The following MIPOL1 variants were observed in gnomAD, a reference collection of about 807,000 sequenced individuals.
MIPOL1 encodes the protein mirror-image polydactyly gene 1 protein.
Under a neutral mutation model 60.9 loss-of-function variants are expected in MIPOL1, and 57 were observed. The ratio of observed to expected loss-of-function variants is 0.94; its 90% CI spans 0.76 to 1.17. MIPOL1 has a LOEUF of 1.17. MIPOL1 is among the 50% of genes most tolerant of loss of function. The pLI is 0.00. For missense variants in MIPOL1, 551 were observed against 511.6 expected, an observed-to-expected ratio of 1.08 and a Z score of -0.74; for synonymous variants, 179 against 168.8, an observed-to-expected ratio of 1.06 and a Z score of -0.47.
chr14:37,497,476 A>G (rs1292458460), intron 11 of MIPOL1, among the ~76,000 whole-genome samples: 1 of 152,226 alleles, frequency 6.6e-6, no homozygotes, highest in Non-Finnish European at 1.5e-5. Flanking sequence ...ACAGTTTACA[A>G]AAAGCATTGC....
Position 37,268,739 on chromosome 14 carries a change from G to T in MIPOL1, c.333G>T (p.Lys111Asn), listed in dbSNP as rs1210528939. Residue 111 changes from lysine (K) to asparagine (N), a missense_variant, in exon 5 of 13, where the codon AAG becomes AAT. Transcript: ENST00000684589. ...TTACTTCAGACTCAGATAAAGAGAA[G>T]ACAATAGCATTTCTTCTAAAAGAAT... ...CQVTSDSDKE[K>N]TIAFLLKELD... is the part of the protein sequence containing the mutation. The T allele has an allele frequency of 1.3e-6, 2 of 1,596,430 alleles. No homozygotes were observed. The highest frequency in any genetic ancestry group is 2.7e-5 in the African/African-American group (2 of 74,172).
At chr14:37,488,460 T>C (rs538618176) in intron 11 of MIPOL1, among the ~76,000 whole-genome samples, 18 of 152,270 alleles carry the variant, frequency 1.2e-4, no homozygotes, top group Admixed American at 1.0e-3. Context: ...AGTCTAAGTC[T>C]CTTTGTGGGT....
intron 11 of MIPOL1, among the ~76,000 whole-genome samples, chr14:37,427,762 G>C (rs2093989964): frequency 2.0e-5 from 3 of 152,116 alleles, no homozygotes; most frequent in Admixed American, 2.0e-4. Context: ...TGATTTAAAT[G>C]AAAGTAAACA....
chr14:37,251,884 G>A (rs531181765), intron 3 of MIPOL1, among the ~76,000 whole-genome samples: 14 of 151,834 alleles, frequency 9.2e-5, no homozygotes, highest in African/African-American at 2.2e-4. Context: ...CAATTTTGTA[G>A]GTAAAAATGA....
At chr14:37,235,819 A>G (rs72671718) in intron 1 of MIPOL1, among the ~76,000 whole-genome samples, 46,017 of 151,780 alleles carry the variant, frequency 0.3, 7,052 homozygotes, top group Admixed American at 0.34. Flanking sequence ...TAGGGACCTC[A>G]TATAAGTGGA....
intron 9 of MIPOL1, 60 bp from the exon 10 acceptor site, chr14:37,369,456 TG>T: frequency 8.4e-7 from 1 of 1,183,596 alleles, no homozygotes; most frequent in Non-Finnish European, 1.2e-6. Flanking sequence ...TTAATTCATG[TG>T]GCTTGGTGAA....
chr14:37,327,518 TA>T (rs1370641546), intron 9 of MIPOL1, among the ~76,000 whole-genome samples: 1 of 152,128 alleles, frequency 6.6e-6, no homozygotes, highest in Non-Finnish European at 1.5e-5. Flanking sequence ...GAATTGGGCT[TA>T]AGTGACCCTC....
At chr14:37,302,907 C>T (rs1398094350) in intron 7 of MIPOL1, among the ~76,000 whole-genome samples, 1 of 151,690 alleles carries the variant, frequency 6.6e-6, no homozygotes, top group African/African-American at 2.4e-5. Flanking sequence ...TTCTAGATAA[C>T]CTTTTTACAA....
At chr14:37,399,634 G>C (rs2153528626) in intron 10 of MIPOL1, among the ~76,000 whole-genome samples, 1 of 152,232 alleles carries the variant, frequency 6.6e-6, no homozygotes, top group South Asian at 2.1e-4. Context: ...AAGATGGGTT[G>C]TTAACTTTCA....
chr14:37,484,375 G>A (rs1023040326), intron 11 of MIPOL1, among the ~76,000 whole-genome samples: 7 of 120,580 alleles, frequency 5.8e-5, no homozygotes, highest in Non-Finnish European at 9.5e-5. Context: ...GTCTCGCTCT[G>A]TCACCAGGCT....
chr14:37,259,593 A>C (rs2082373692), intron 3 of MIPOL1, among the ~76,000 whole-genome samples: 1 of 151,918 alleles, frequency 6.6e-6, no homozygotes, highest in Non-Finnish European at 1.5e-5. Flanking sequence ...AACATAAGAA[A>C]TCACTGTCTG....
chr14:37,281,470 T>C (rs1186173220), intron 6 of MIPOL1, among the ~76,000 whole-genome samples: 2 of 152,224 alleles, frequency 1.3e-5, no homozygotes, highest in Admixed American at 6.5e-5. Context: ...AGTGGCACGA[T>C]CTCAGCTTAC....
At chr14:37,437,646 G>A (rs977949427) in intron 11 of MIPOL1, among the ~76,000 whole-genome samples, 2 of 152,100 alleles carry the variant, frequency 1.3e-5, no homozygotes, top group Non-Finnish European at 2.9e-5. Flanking sequence ...AAGACAGATG[G>A]TGCAGGTTCT....
At chr14:37,227,348 A>AT (rs1969916799) in intron 1 of MIPOL1, among the ~76,000 whole-genome samples, 1 of 152,114 alleles carries the variant, frequency 6.6e-6, no homozygotes, top group African/African-American at 2.4e-5. Flanking sequence ...AATAATTTGA[A>AT]TTTTTTTAAG....
intron 11 of MIPOL1, among the ~76,000 whole-genome samples, chr14:37,438,406 C>G (rs914831555): frequency 6.6e-6 from 1 of 152,122 alleles, no homozygotes; most frequent in Non-Finnish European, 1.5e-5. Context: ...AAGGCATCAT[C>G]CCTTTTTGGA....
At chr14:37,295,538 G>A (rs1173871924) in intron 7 of MIPOL1, among the ~76,000 whole-genome samples, 2 of 152,104 alleles carry the variant, frequency 1.3e-5, no homozygotes, top group Admixed American at 6.6e-5. Context: ...AGACCCATCA[G>A]TATGCTGTAT....
At chr14:37,350,117 G>T (rs2091247369) in intron 9 of MIPOL1, among the ~76,000 whole-genome samples, 1 of 152,112 alleles carries the variant, frequency 6.6e-6, no homozygotes, top group Non-Finnish European at 1.5e-5. Flanking sequence ...TGTCGACTAA[G>T]CTGGAATGCC....
intron 1 of MIPOL1, among the ~76,000 whole-genome samples, chr14:37,227,002 T>C (rs1317164330): frequency 1.3e-5 from 2 of 152,192 alleles, no homozygotes; most frequent in African/African-American, 4.8e-5. Context: ...GCTGAAAATG[T>C]CTCTGAATAT....
intron 9 of MIPOL1, among the ~76,000 whole-genome samples, chr14:37,311,232 T>A (rs1231581234): frequency 2.0e-5 from 3 of 152,186 alleles, no homozygotes; most frequent in Admixed American, 6.5e-5. Flanking sequence ...TGGCTTTTCT[T>A]GTTCTTGAAT....
Sources: gnomAD v4.1 joint callset for allele counts (sites outside exome capture counted in the v4.1 genomes callset) on GRCh38, gnomAD v4.1.1 for gene constraint, MANE v1.5 for transcripts, NCBI Gene and HGNC (gene_info 2026-07-23, HGNC 2026-07-21) for gene names.